CD1B: variants seen among roughly 807,000 people sequenced by gnomAD.
The protein encoded by CD1B is CD1b molecule, also known as T-cell surface glycoprotein CD1b.
In CD1B, 43 loss-of-function variants were observed where a neutral mutation model predicts 39.8. That is an observed-to-expected ratio of 1.08 (90% CI 0.85 to 1.39). The LOEUF (loss-of-function observed/expected upper bound fraction) is 1.39, where lower values mean the gene tolerates loss of function less well. Among genes scored for constraint, CD1B ranks in the 40% most tolerant of loss-of-function variants. The pLI, the probability that CD1B is intolerant of heterozygous loss-of-function variation, is 0.00. For missense variants in CD1B, 495 were observed against 403.8 expected (o/e 1.23, Z -1.94); for synonymous variants, 192 against 152.5 (o/e 1.26, Z -1.91).
At chr1:158,294,071 G>A in the CD1B span, among the ~76,000 whole-genome samples, 1,470 of 152,294 alleles carry the variant, frequency 9.7e-3, 23 homozygotes, top group Middle Eastern at 0.068. Flanking sequence ...AAGGAAAAGT[G>A]CAGCCTTGTG....
chr1:158,291,233 A>C, the CD1B span: 3 of 1,614,098 alleles, frequency 1.9e-6, no homozygotes, highest in Non-Finnish European at 2.5e-6. Flanking sequence ...GACGAGTTGC[A>C]GACTCATGGC....
the CD1B span, among the ~76,000 whole-genome samples, chr1:158,313,164 C>T: frequency 6.6e-6 from 1 of 152,208 alleles, no homozygotes; most frequent in African/African-American, 2.4e-5. Context: ...AATCTGAATA[C>T]TTTGAATCAT....
the CD1B span, among the ~76,000 whole-genome samples, chr1:158,308,763 A>T: frequency 6.6e-6 from 1 of 152,208 alleles, no homozygotes; most frequent in Non-Finnish European, 1.5e-5. Context: ...GGTGCTGGGA[A>T]AACTGGTTAG....
chr1:158,292,018 A>G, the CD1B span: 2 of 1,484,202 alleles, frequency 1.3e-6, no homozygotes, highest in Non-Finnish European at 1.8e-6. Context: ...ATACAGCCCT[A>G]GGTTTTTATA....
At chr1:158,318,919 A>C in the CD1B span, among the ~76,000 whole-genome samples, 1 of 152,144 alleles carries the variant, frequency 6.6e-6, no homozygotes, top group Non-Finnish European at 1.5e-5. Flanking sequence ...TCCTTCACTT[A>C]TGAAGCTTAG....
At chr1:158,306,928 G>A in the CD1B span, among the ~76,000 whole-genome samples, 1 of 151,940 alleles carries the variant, frequency 6.6e-6, no homozygotes, top group Non-Finnish European at 1.5e-5. Context: ...CACATTCAAG[G>A]CAGTGTGTAG....
At chr1:158,313,672 G>A in the CD1B span, among the ~76,000 whole-genome samples, 8 of 152,110 alleles carry the variant, frequency 5.3e-5, no homozygotes, top group Non-Finnish European at 1.0e-4. Flanking sequence ...ATGAATGCTA[G>A]TCTCAAATAA....
the CD1B span, among the ~76,000 whole-genome samples, chr1:158,315,734 T>C: frequency 2.6e-5 from 4 of 152,188 alleles, no homozygotes; most frequent in African/African-American, 9.6e-5. Context: ...TCCTTGCCCA[T>C]GCCTATGTCC....
chr1:158,315,312 G>T, the CD1B span, among the ~76,000 whole-genome samples: 1 of 151,852 alleles, frequency 6.6e-6, no homozygotes, highest in Non-Finnish European at 1.5e-5. Context: ...ATCCTCCCCA[G>T]CACCTGTTGT....
At chr1:158,310,396 G>C in the CD1B span, among the ~76,000 whole-genome samples, 1 of 152,182 alleles carries the variant, frequency 6.6e-6, no homozygotes, top group East Asian at 1.9e-4. Context: ...TTCCATTCTG[G>C]ACATAGGCCC....
At chr1:158,318,798 G>T in the CD1B span, among the ~76,000 whole-genome samples, 2 of 152,174 alleles carry the variant, frequency 1.3e-5, no homozygotes, top group African/African-American at 4.8e-5. Context: ...GCAGCAGCTT[G>T]TACCGGTTGT....
chr1:158,300,785 G>T, the CD1B span, among the ~76,000 whole-genome samples: 1 of 140,308 alleles, frequency 7.1e-6, no homozygotes. Flanking sequence ...TTGAGACAGA[G>T]TCTCACTCTG....
the CD1B span, among the ~76,000 whole-genome samples, chr1:158,286,936 A>T: frequency 6.6e-6 from 1 of 151,812 alleles, no homozygotes; most frequent in Non-Finnish European, 1.5e-5. Flanking sequence ...ATATATCAGC[A>T]CCTCCTACTG....
chr1:158,326,963 AT>A (rs2101708960), downstream of CD1B, among the ~76,000 whole-genome samples: 1 of 152,088 alleles, frequency 6.6e-6, no homozygotes, highest in Non-Finnish European at 1.5e-5. Flanking sequence ...TGCCCGGCTA[AT>A]TTTTGTATTT....
Position 158,329,409 on chromosome 1 carries a change from G to T in CD1B, c.847C>A (p.His283Asn). 6.2e-7 allele frequency: 1 copy of T among 1,614,120 alleles called. No homozygotes were observed. Among genetic ancestry groups the T allele is most frequent in the Non-Finnish European group, 8.5e-7 (1 of 1,180,024 alleles). ...EAAGLSCRVK[H>N]SSLEGQDIIL... is the part of the protein sequence containing the mutation. ...ATGTCCTGGCCCTCTAAACTGCTGTGCTTCACCCGACAGGACAGGCCAGCC... is the reference window on the plus strand; with the variant it reads ...ATGTCCTGGCCCTCTAAACTGCTGTTCTTCACCCGACAGGACAGGCCAGCC... Residue 283 changes from histidine (H) to asparagine (N), a missense_variant, in exon 4 of 6, where the codon CAC (histidine) becomes AAC (asparagine). Transcript: ENST00000368168.
the CD1B span, among the ~76,000 whole-genome samples, chr1:158,318,508 T>C: frequency 6.6e-6 from 1 of 152,210 alleles, no homozygotes. Flanking sequence ...TTGTTTTCCA[T>C]TTGCTTGGTA....
chr1:158,319,411 A>C, the CD1B span, among the ~76,000 whole-genome samples: 1 of 151,910 alleles, frequency 6.6e-6, no homozygotes, highest in East Asian at 1.9e-4. Flanking sequence ...CATTTCATTC[A>C]TTTCATCTTC....
chr1:158,308,187 AGTAAC>A, the CD1B span, among the ~76,000 whole-genome samples: 1 of 152,168 alleles, frequency 6.6e-6, no homozygotes, highest in African/African-American at 2.4e-5. Flanking sequence ...CTTACACACC[AGTAAC>A]AGACAGAGAG....
the CD1B span, among the ~76,000 whole-genome samples, chr1:158,285,927 T>C: frequency 1.3e-5 from 2 of 151,888 alleles, no homozygotes; most frequent in Non-Finnish European, 2.9e-5. Context: ...GTTTCCGTAA[T>C]GGGGAAGTAG....
Sources: allele counts gnomAD v4.1 joint callset (sites outside exome capture counted in the v4.1 genomes callset), GRCh38; gene constraint gnomAD v4.1.1; transcripts MANE v1.5; gene names NCBI Gene and HGNC (gene_info 2026-07-23, HGNC 2026-07-21).